Variants in CASK observed in about 807,000 individuals in gnomAD.
CASK encodes the protein calcium/calmodulin dependent serine protein kinase.
Under a neutral mutation model 82.9 loss-of-function variants are expected in CASK, and 4 were observed. That is an observed-to-expected ratio of 0.05 (90% confidence interval 0.02 to 0.11). The LOEUF is 0.11. Among genes scored for constraint, CASK ranks in the 10% least tolerant of loss-of-function variants. CASK has a pLI of 1.00. For synonymous variants in CASK, 259 were observed against 253.5 expected (o/e 1.02, Z -0.20); for missense variants, 358 against 720.9 (o/e 0.50, Z 5.76).
chrX:41,652,954 G>T (rs1227059256), intron 8 of CASK, among the ~76,000 whole-genome samples: 1 of 112,340 alleles, frequency 8.9e-6, no homozygotes, highest in African/African-American at 3.2e-5. Context: ...CTTGTGACTG[G>T]TGTCTGAAAG....
At chrX:41,600,870 G>A (rs1024348363) in intron 12 of CASK, among the ~76,000 whole-genome samples, 11 of 111,721 alleles carry the variant, frequency 9.8e-5, no homozygotes, top group African/African-American at 3.6e-4. Context: ...TGGATGAGTA[G>A]ACAAACAAAA....
intron 11 of CASK, among the ~76,000 whole-genome samples, chrX:41,622,205 C>T (rs2066297669): frequency 8.9e-6 from 1 of 112,198 alleles, no homozygotes; most frequent in South Asian, 3.6e-4. Flanking sequence ...TGAAAATGGA[C>T]TCAGTAACAG....
At chrX:41,622,522 C>T (rs992541840) in intron 11 of CASK, 95 bp downstream of exon 11, 2 of 682,080 alleles carry the variant, frequency 2.9e-6, no homozygotes, top group African/African-American at 2.2e-5. Context: ...TACACACAAA[C>T]AGCCAAGGAA....
At chrX:41,556,561 G>A (rs774459888) in intron 19 of CASK, among the ~76,000 whole-genome samples, 1 of 111,982 alleles carries the variant, frequency 8.9e-6, no homozygotes, top group South Asian at 3.7e-4. Context: ...CACAATAACA[G>A]AGGGCACACC....
chrX:41,517,762 T>C lies in CASK; in HGVS notation c.*2658A>G, dbSNP rs1374962207. On this transcript the variant is annotated 3_prime_UTR_variant, in exon 27 of 27. Transcript: ENST00000378163. ...CTGATTGCTTAGTGGACAATTGTAA[T>C]GTAGCAGTAGCAGCAGCAGCAGCAG... 1 of 730,728 alleles carries C rather than the reference T, an allele frequency of 1.4e-6. No homozygotes were observed. The highest frequency in any genetic ancestry group is 2.0e-6 in the Non-Finnish European group (1 of 496,142). 60.2% of individuals were successfully genotyped at this position (730,728 alleles called of 1,213,427 possible).
chrX:41,845,713 T>C (rs2071141716), intron 2 of CASK, among the ~76,000 whole-genome samples: 1 of 111,741 alleles, frequency 8.9e-6, no homozygotes, highest in African/African-American at 3.2e-5. Flanking sequence ...TCATTTATAT[T>C]TAATATTATT....
intron 15 of CASK, among the ~76,000 whole-genome samples, chrX:41,573,075 CTTTT>C (rs147599527): frequency 1.1e-5 from 1 of 87,935 alleles, no homozygotes; most frequent in Non-Finnish European, 2.3e-5. Flanking sequence ...TTTCTTTTTT[CTTTT>C]TTTTTTTTTT....
chrX:41,786,628 C>T (rs1210952960), intron 3 of CASK, among the ~76,000 whole-genome samples: 1 of 110,843 alleles, frequency 9.0e-6, no homozygotes, highest in Non-Finnish European at 1.9e-5. Context: ...CACAATCATC[C>T]GACCAGAGCT....
At chrX:41,710,191 C>T (rs1202481660) in intron 5 of CASK, among the ~76,000 whole-genome samples, 4 of 103,876 alleles carry the variant, frequency 3.9e-5, no homozygotes, top group Admixed American at 1.1e-4. Flanking sequence ...TCCTCAACTG[C>T]TTTATTCATA....
chrX:41,769,326 G>T (rs188147955), intron 3 of CASK, among the ~76,000 whole-genome samples: 83 of 108,019 alleles, frequency 7.7e-4, no homozygotes, highest in African/African-American at 2.5e-3. Context: ...CTCCTGAGTA[G>T]CTGGGACTAT....
chrX:41,883,498 T>G (rs1052454981), intron 1 of CASK, among the ~76,000 whole-genome samples: 7 of 111,113 alleles, frequency 6.3e-5, no homozygotes, highest in Non-Finnish European at 1.3e-4. Flanking sequence ...GGCTATTAAC[T>G]CAAAAGCTGA....
chrX:41,732,021 C>G (rs909085289), intron 5 of CASK, among the ~76,000 whole-genome samples: 1 of 107,717 alleles, frequency 9.3e-6, no homozygotes, highest in Non-Finnish European at 1.9e-5. Context: ...AGCGATCCTC[C>G]CGCTTCAGCC....
At chrX:41,753,511 T>C (rs2068833481) in intron 3 of CASK, among the ~76,000 whole-genome samples, 1 of 111,358 alleles carries the variant, frequency 9.0e-6, no homozygotes, top group African/African-American at 3.3e-5. Flanking sequence ...CCAATGAAGG[T>C]AGAAGGAAAT....
intron 9 of CASK, among the ~76,000 whole-genome samples, chrX:41,630,005 A>G (rs771979433): frequency 5.4e-5 from 6 of 112,031 alleles, no homozygotes; most frequent in Non-Finnish European, 9.4e-5. Flanking sequence ...AATACTTTTG[A>G]GTTAATTAGA....
In CASK at chrX:41,923,125, TG is replaced by T; in HGVS notation, c.-138del. The stretch of plus-strand genomic sequence containing the variant: ...GCCCTCGGTGCCGAGGACGCTCGAG[TG>T]GGGCCGCGAGGCCCAGAGACTGCGG... On this transcript the variant is annotated 5_prime_UTR_variant, in exon 1 of 27. Transcript: ENST00000378163. 4.3e-6 allele frequency: 2 copies of T among 469,481 alleles called. No homozygotes were observed. Among genetic ancestry groups the T allele is most frequent in the Admixed American group, 7.3e-5 (2 of 27,333 alleles). 38.7% of individuals were successfully genotyped at this position (469,481 alleles called of 1,213,427 possible).
chrX:41,918,542 G>A (rs183494682), intron 1 of CASK, among the ~76,000 whole-genome samples: 2 of 112,358 alleles, frequency 1.8e-5, no homozygotes, highest in South Asian at 3.7e-4. Context: ...CTTGTTCTGT[G>A]TTGTTCCAAA....
At chrX:41,902,344 T>C (rs774773760) in intron 1 of CASK, among the ~76,000 whole-genome samples, 2 of 111,231 alleles carry the variant, frequency 1.8e-5, no homozygotes, top group Non-Finnish European at 3.8e-5. Context: ...GGAGAAGCTT[T>C]TCCATGTTCT....
intron 3 of CASK, among the ~76,000 whole-genome samples, chrX:41,772,063 A>G (rs2069252939): frequency 9.0e-6 from 1 of 111,388 alleles, no homozygotes; most frequent in South Asian, 3.8e-4. Flanking sequence ...ATAAAAAGAA[A>G]TTACAGGCCA....
At chrX:41,687,196 A>T (rs2067457309) in intron 5 of CASK, among the ~76,000 whole-genome samples, 1 of 112,429 alleles carries the variant, frequency 8.9e-6, no homozygotes. Flanking sequence ...ACGTAGTTAA[A>T]TGCCTATTTA....
Sources: gnomAD v4.1 joint callset for allele counts (sites outside exome capture counted in the v4.1 genomes callset) on GRCh38, gnomAD v4.1.1 for gene constraint, MANE v1.5 for transcripts, NCBI Gene and HGNC (gene_info 2026-07-23, HGNC 2026-07-21) for gene names.